TLK1: variants seen among roughly 807,000 people sequenced by gnomAD.
The protein encoded by TLK1 is serine/threonine-protein kinase tousled-like 1.
A neutral mutation model predicts 105.3 loss-of-function variants in TLK1; 24 were observed. That is an observed-to-expected ratio of 0.23 (90% CI 0.17 to 0.32). The LOEUF (loss-of-function observed/expected upper bound fraction) is 0.32. Among genes scored for constraint, TLK1 ranks in the 10% least tolerant of loss-of-function variants. The probability of loss-of-function intolerance (pLI) is 1.00; values close to 1 mark genes in which losing one functional copy is unlikely to be tolerated. For synonymous variants in TLK1, 321 were observed against 310.4 expected, an observed-to-expected ratio of 1.03 and a Z score of -0.36; for missense variants, 558 against 910.5, an observed-to-expected ratio of 0.61 and a Z score of 4.98.
At chr2:171,126,026 T>C (rs1690852261) in intron 1 of TLK1, among the ~76,000 whole-genome samples, 1 of 152,170 alleles carries the variant, frequency 6.6e-6, no homozygotes, top group South Asian at 2.1e-4. Context: ...AAATTCTTTA[T>C]TACAATAAAT....
intron 1 of TLK1, among the ~76,000 whole-genome samples, chr2:171,125,028 A>G (rs1267805098): frequency 6.6e-6 from 1 of 152,222 alleles, no homozygotes; most frequent in Admixed American, 6.5e-5. Flanking sequence ...GTGCTTGCCA[A>G]AAAGCTAATA....
At chr2:171,118,530 G>A (rs1433435534) in intron 1 of TLK1, among the ~76,000 whole-genome samples, 1 of 152,112 alleles carries the variant, frequency 6.6e-6, no homozygotes, top group Non-Finnish European at 1.5e-5. Context: ...ACACACAGAT[G>A]ACTGAAGTAA....
intron 1 of TLK1, among the ~76,000 whole-genome samples, chr2:171,195,570 T>C (rs1260761208): frequency 1.3e-5 from 2 of 152,024 alleles, no homozygotes; most frequent in Non-Finnish European, 2.9e-5. Flanking sequence ...TATTATTTTC[T>C]ACTGGGAAAT....
At chr2:171,165,630 A>G (rs1692593038), upstream of TLK1, among the ~76,000 whole-genome samples, 1 of 152,198 alleles carries the variant, frequency 6.6e-6, no homozygotes, top group African/African-American at 2.4e-5. Flanking sequence ...ATTAGCCCAG[A>G]GGCTGGGGGC....
intron 1 of TLK1, among the ~76,000 whole-genome samples, chr2:171,228,158 A>C (rs1239509564): frequency 6.6e-6 from 1 of 152,242 alleles, no homozygotes; most frequent in African/African-American, 2.4e-5. Context: ...CCTGGGTGAC[A>C]GAGCAAGACT....
chr2:171,089,759 C>G (rs1441914931), intron 2 of TLK1, among the ~76,000 whole-genome samples: 2 of 152,154 alleles, frequency 1.3e-5, no homozygotes, highest in Non-Finnish European at 2.9e-5. Flanking sequence ...ACTGCACCCT[C>G]GAACTCCTGG....
At chr2:171,210,679 CTG>C (rs1693596841) in intron 1 of TLK1, among the ~76,000 whole-genome samples, 1 of 152,216 alleles carries the variant, frequency 6.6e-6, no homozygotes, top group Non-Finnish European at 1.5e-5. Flanking sequence ...ACTTCGGACT[CTG>C]ACTTTTTTGC....
intron 1 of TLK1, among the ~76,000 whole-genome samples, chr2:171,141,334 G>A (rs1190779388): frequency 6.6e-6 from 1 of 152,190 alleles, no homozygotes; most frequent in African/African-American, 2.4e-5. Context: ...TTTGTCTACT[G>A]AGAACTTAAA....
chr2:171,209,408 C>T (rs1214817698), intron 1 of TLK1, among the ~76,000 whole-genome samples: 1 of 151,750 alleles, frequency 6.6e-6, no homozygotes, highest in East Asian at 1.9e-4. Context: ...TGCTAGATAG[C>T]GATGAAAATT....
Position 171,049,897 on chromosome 2 carries a change from G to T in TLK1, c.897C>A (p.Arg299=), listed in dbSNP as rs777934955. ...GTCTAACTGTTGTAAAGTGCCCGAG[G>T]CGTAATCGATCTTGCATACTCTTCT... The part of the protein sequence containing the change: ...SREKSMQDRL[R]LGHFTTVRHG... Residue 299 remains arginine (R), a synonymous_variant, in exon 10 of 21, where the codon CGC becomes CGA. Coordinates refer to ENST00000431350, the MANE Select transcript of TLK1 (RefSeq NM_012290.5). 12 of 1,613,772 alleles carry T rather than the reference G, an allele frequency of 7.4e-6. No individual in the cohort carries two copies. The East Asian group carries it at 2.2e-4, about 30-fold the overall frequency.
At chr2:171,221,239 T>C (rs1693804910) in intron 1 of TLK1, among the ~76,000 whole-genome samples, 1 of 152,216 alleles carries the variant, frequency 6.6e-6, no homozygotes, top group Non-Finnish European at 1.5e-5. Flanking sequence ...CATTTGCTTT[T>C]CTTCTGGTAA....
rs78891615 is a variant in TLK1 at position 171,051,100 on chromosome 2, T to C, written c.733-926A>G. On this transcript the variant is annotated intron_variant, in intron 8 of 20. Transcript: ENST00000431350. ...AAGAGGAAACAGAATTTAGCACCAA[T>C]AGACCCTCAGCAATTCAAACAAAAT... 5.9e-3 allele frequency among the ~76,000 whole-genome samples: 891 copies of C among 152,274 alleles called. 9 individuals are homozygous for C. The highest frequency in any genetic ancestry group is 0.02 in the African/African-American group (818 of 41,554).
chr2:171,084,197 T>C (rs1397692595), intron 2 of TLK1, among the ~76,000 whole-genome samples: 1 of 152,056 alleles, frequency 6.6e-6, no homozygotes, highest in South Asian at 2.1e-4. Context: ...AAAAGACACC[T>C]AAAACAGCCA....
In TLK1 at chr2:171,180,380, C is replaced by T. The variant is rs527958122; in HGVS notation, c.-6+50765G>A. On this transcript the variant is annotated intron_variant, in intron 1 of 20. Transcript: ENST00000521943. Reference sequence around the variant, plus strand: ...TCTTGAGTATGGATAATTGAAATCACAGATTAGCAACATGGGAGTGCTACA... The same window carrying T: ...TCTTGAGTATGGATAATTGAAATCATAGATTAGCAACATGGGAGTGCTACA... 8.5e-5 allele frequency among the ~76,000 whole-genome samples: 13 copies of T among 152,232 alleles called. No homozygotes were observed. In the South Asian group the frequency reaches 1.2e-3, roughly 15 times the overall value.
intron 3 of TLK1, among the ~76,000 whole-genome samples, chr2:171,065,686 C>G (rs945163911): frequency 1.3e-5 from 2 of 152,090 alleles, no homozygotes; most frequent in African/African-American, 2.4e-5. Context: ...TACAGGCGCC[C>G]GCCACTATGC....
At chr2:171,189,889 C>G (rs1370428858) in intron 1 of TLK1, among the ~76,000 whole-genome samples, 1 of 152,038 alleles carries the variant, frequency 6.6e-6, no homozygotes, top group Non-Finnish European at 1.5e-5. Flanking sequence ...GAGCCAAGAT[C>G]ATGCCACTGC....
chr2:171,213,633 A>G (rs1371213421), intron 1 of TLK1, among the ~76,000 whole-genome samples: 4 of 151,282 alleles, frequency 2.6e-5, no homozygotes, highest in African/African-American at 9.7e-5. Context: ...AAAACATGTA[A>G]AAAAACATTA....
chr2:171,223,589 C>T (rs940722427), intron 1 of TLK1, among the ~76,000 whole-genome samples: 17 of 150,050 alleles, frequency 1.1e-4, no homozygotes, highest in African/African-American at 4.2e-4. Context: ...AAGCGATTCT[C>T]CTGCCTCAGC....
intron 1 of TLK1, among the ~76,000 whole-genome samples, chr2:171,200,218 C>T (rs927540954): frequency 2.6e-5 from 4 of 152,294 alleles, no homozygotes; most frequent in Non-Finnish European, 5.9e-5. Flanking sequence ...TACTATTTGT[C>T]AGCATTCCAC....
Sources: gnomAD v4.1 joint callset for allele counts (sites outside exome capture counted in the v4.1 genomes callset) on GRCh38, gnomAD v4.1.1 for gene constraint, MANE v1.5 for transcripts, NCBI Gene and HGNC (gene_info 2026-07-23, HGNC 2026-07-21) for gene names.